The following CTTNBP2NL variants were observed in gnomAD, a reference collection of about 807,000 sequenced individuals.
CTTNBP2NL encodes the protein CTTNBP2 N-terminal like, also known as CTTNBP2 N-terminal-like protein.
In CTTNBP2NL, 16 loss-of-function variants were observed where a neutral mutation model predicts 32.5. The ratio of observed to expected loss-of-function variants is 0.49; its 90% CI spans 0.33 to 0.75. The LOEUF is 0.75. Ranked by LOEUF, CTTNBP2NL falls within the 30% of genes least tolerant of loss-of-function variation. CTTNBP2NL has a pLI of 0.02. For missense variants in CTTNBP2NL, 645 were observed against 756.0 expected (o/e 0.85, Z 1.72); for synonymous variants, 298 against 289.4 (o/e 1.03, Z -0.30).
chr1:112,410,088 T>C (rs1193687823), intron 1 of CTTNBP2NL, among the ~76,000 whole-genome samples: 3 of 152,178 alleles, frequency 2.0e-5, no homozygotes, highest in Admixed American at 6.5e-5. Flanking sequence ...AAATCACTTA[T>C]TGATAACATA....
chr1:112,427,910 A>AC (rs1649450007), intron 3 of CTTNBP2NL, among the ~76,000 whole-genome samples: 1 of 151,384 alleles, frequency 6.6e-6, no homozygotes, highest in East Asian at 1.9e-4. Context: ...AAAAAAAAAA[A>AC]CAGTAAATCC....
intron 4 of CTTNBP2NL, among the ~76,000 whole-genome samples, chr1:112,449,712 A>G (rs1366868125): frequency 6.9e-6 from 1 of 145,024 alleles, no homozygotes; most frequent in Non-Finnish European, 1.5e-5. Flanking sequence ...AAGGTGTTCT[A>G]CTCTATTAGT....
intron 1 of CTTNBP2NL, among the ~76,000 whole-genome samples, chr1:112,408,860 CTCACACCTATAA>C (rs1337495756): frequency 6.6e-6 from 1 of 152,104 alleles, no homozygotes; most frequent in African/African-American, 2.4e-5. Context: ...GGCATGGTGG[CTCACACCTATAA>C]TCCCAGCACT....
chr1:112,430,208 T>TTTCTTTCCTTTTCTTGTCTTTTCTC (rs1649524932), intron 3 of CTTNBP2NL, among the ~76,000 whole-genome samples: 1 of 40,134 alleles, frequency 2.5e-5, no homozygotes, highest in Non-Finnish European at 1.1e-4. Flanking sequence ...TTTCTTTTCT[T>TTTCTTTCCTTTTCTTGTCTTTTCTC]TTCTTTTCTT....
intron 3 of CTTNBP2NL, among the ~76,000 whole-genome samples, chr1:112,424,045 T>C (rs1439573606): frequency 6.6e-6 from 1 of 152,180 alleles, no homozygotes; most frequent in African/African-American, 2.4e-5. Context: ...TTTTATGGAT[T>C]TTGTTTTTAA....
Position 112,457,154 on chromosome 1 carries a change from A to C in CTTNBP2NL, c.1662A>C (p.Lys554Asn). 1 of 1,614,204 alleles carries C rather than the reference A, an allele frequency of 6.2e-7. No homozygotes were observed. Among genetic ancestry groups the C allele is most frequent in the Non-Finnish European group, 8.5e-7 (1 of 1,180,026 alleles). ...GDTSHSPTPG[K>N]VSSPLSPLSP... is the part of the protein sequence containing the mutation. ...CAAGCCATTCACCTACTCCAGGGAAAGTGTCCAGTCCCCTGAGCCCCCTGT... is the reference window on the plus strand; with the variant it reads ...CAAGCCATTCACCTACTCCAGGGAACGTGTCCAGTCCCCTGAGCCCCCTGT... Residue 554 changes from lysine (K) to asparagine (N), a missense_variant, in exon 6 of 6, where the codon AAA becomes AAC. Physicochemically the swap from Lys to Asn is moderately conservative, Grantham distance 94 (BLOSUM62 0). Transcript: ENST00000271277.
intron 3 of CTTNBP2NL, among the ~76,000 whole-genome samples, chr1:112,426,492 G>A (rs1649399478): frequency 6.6e-6 from 1 of 151,110 alleles, no homozygotes; most frequent in South Asian, 2.1e-4. Flanking sequence ...AGGAGTTGAA[G>A]ACCAGCTTGG....
intron 3 of CTTNBP2NL, among the ~76,000 whole-genome samples, chr1:112,420,778 C>T (rs1649205439): frequency 1.3e-5 from 2 of 152,112 alleles, no homozygotes; most frequent in African/African-American, 4.8e-5. Flanking sequence ...TTCCTGCTCT[C>T]TCTGAGTAAA....
At chr1:112,432,939 T>C (rs542824745) in intron 3 of CTTNBP2NL, among the ~76,000 whole-genome samples, 1 of 152,288 alleles carries the variant, frequency 6.6e-6, no homozygotes, top group East Asian at 1.9e-4. Flanking sequence ...TAATGGCCTC[T>C]TTAATTAGAT....
upstream of CTTNBP2NL, among the ~76,000 whole-genome samples, chr1:112,391,219 G>A (rs1382475565): frequency 2.6e-5 from 4 of 152,350 alleles, no homozygotes; most frequent in African/African-American, 9.6e-5. Context: ...CTGGTCCGGG[G>A]CTTGGAGAGC....
Position 112,457,430 on chromosome 1 carries a change from C to T in CTTNBP2NL, c.*18C>T, listed in dbSNP as rs745684684. ...GCAGCTAGTCCCTAGGAGGGAGTCT[C>T]CACGTTTGACATTCCATCAGATTTC... is the stretch of plus-strand genomic sequence containing the variant. On this transcript the variant is annotated 3_prime_UTR_variant, in exon 6 of 6. Coordinates refer to ENST00000271277, the MANE Select transcript of CTTNBP2NL (RefSeq NM_018704.3). 1.1e-5 allele frequency: 17 copies of T among 1,573,310 alleles called. No homozygotes were observed. Among genetic ancestry groups the T allele is most frequent in the Non-Finnish European group, 1.5e-5 (17 of 1,159,048 alleles).
chr1:112,422,347 TG>T (rs1281117125), intron 3 of CTTNBP2NL, among the ~76,000 whole-genome samples: 8 of 152,246 alleles, frequency 5.3e-5, no homozygotes, highest in Non-Finnish European at 8.8e-5. Flanking sequence ...TTAATAGTGT[TG>T]GCATTATATG....
chr1:112,450,100 G>A (rs538345375), intron 4 of CTTNBP2NL, among the ~76,000 whole-genome samples: 1 of 152,328 alleles, frequency 6.6e-6, no homozygotes, highest in African/African-American at 2.4e-5. Flanking sequence ...GAAAAATAGG[G>A]TTAGCAGCTG....
intron 3 of CTTNBP2NL, among the ~76,000 whole-genome samples, chr1:112,424,096 A>C (rs561598197): frequency 4.8e-4 from 73 of 152,192 alleles, no homozygotes; most frequent in Non-Finnish European, 6.9e-4. Flanking sequence ...AAGGTCAGAA[A>C]GGTTTTCTCC....
intron 5 of CTTNBP2NL, among the ~76,000 whole-genome samples, chr1:112,455,675 G>A (rs902895066): frequency 3.9e-5 from 6 of 152,190 alleles, no homozygotes; most frequent in Non-Finnish European, 7.3e-5. Flanking sequence ...CTCCACATAC[G>A]TGAAACACAA....
Position 112,416,190 on chromosome 1 carries a change from C to T in CTTNBP2NL, c.25C>T (p.Pro9Ser). 1 of 1,607,506 alleles carries T rather than the reference C, an allele frequency of 6.2e-7. No homozygotes were observed. Among genetic ancestry groups the T allele is most frequent in the Non-Finnish European group, 8.5e-7 (1 of 1,176,780 alleles). Residue 9 changes from proline to serine, a missense_variant, in exon 3 of 6, where the codon CCT (proline) becomes TCT (serine). Physicochemically the swap from Pro to Ser is moderately conservative, Grantham distance 74. Transcript: ENST00000271277. ...GATGAATCTGGAAAAACTCAGCAAGCCTGAACTCCTGACACTATTTAGTAT... is the reference window on the plus strand; with the variant it reads ...GATGAATCTGGAAAAACTCAGCAAGTCTGAACTCCTGACACTATTTAGTAT... MNLEKLSKPELLTLFSILE... is the reference protein window; with the variant it reads MNLEKLSKSELLTLFSILE...
chr1:112,415,067 G>A (rs2026500), intron 2 of CTTNBP2NL, among the ~76,000 whole-genome samples: 84,646 of 151,156 alleles, frequency 0.56, 24,587 homozygotes, highest in South Asian at 0.7. Flanking sequence ...GGCATGTATC[G>A]GTGATCCTAG....
At chr1:112,414,402 G>A (rs923162237) in intron 2 of CTTNBP2NL, among the ~76,000 whole-genome samples, 22 of 152,114 alleles carry the variant, frequency 1.4e-4, no homozygotes, top group Non-Finnish European at 2.8e-4. Context: ...AGGTTACATC[G>A]AAGATGTTTT....
chr1:112,435,317 T>TTTA (rs779032949), intron 3 of CTTNBP2NL, among the ~76,000 whole-genome samples: 2 of 152,002 alleles, frequency 1.3e-5, no homozygotes, highest in African/African-American at 2.4e-5. Context: ...TTTCTTTATG[T>TTTA]TTATTATTAT....
Sources: gnomAD v4.1 joint callset for allele counts (sites outside exome capture counted in the v4.1 genomes callset) on GRCh38, gnomAD v4.1.1 for gene constraint, MANE v1.5 for transcripts, NCBI Gene and HGNC (gene_info 2026-07-23, HGNC 2026-07-21) for gene names.